Variants in NDST4 observed in about 807,000 individuals in gnomAD.
NDST4 encodes N-heparan sulfate sulfotransferase 4.
NDST4 carries 63 observed loss-of-function variants against 100.8 expected under a neutral mutation model. That is an observed-to-expected ratio of 0.62 (90% CI 0.51 to 0.77). The LOEUF is 0.77. Among genes scored for constraint, NDST4 ranks in the 30% least tolerant of loss-of-function variants. The pLI, the probability that NDST4 is intolerant of heterozygous loss-of-function variation, is 0.00. For missense variants in NDST4, 943 were observed against 1,018.4 expected (o/e 0.93, Z 1.01); for synonymous variants, 377 against 361.8 (o/e 1.04, Z -0.48).
intron 6 of NDST4, among the ~76,000 whole-genome samples, chr4:114,872,735 C>T (rs1000927645): frequency 1.3e-5 from 2 of 151,770 alleles, no homozygotes; most frequent in African/African-American, 4.8e-5. Flanking sequence ...TGTTATTGTC[C>T]CCTTTTACAG....
intron 2 of NDST4, among the ~76,000 whole-genome samples, chr4:115,022,705 A>T (rs1279500430): frequency 6.6e-6 from 1 of 152,052 alleles, no homozygotes; most frequent in Admixed American, 6.5e-5. Context: ...CCCACATATC[A>T]TGGGAGGAAC....
At chr4:115,084,806 G>C (rs1729375730) in intron 1 of NDST4, among the ~76,000 whole-genome samples, 1 of 152,162 alleles carries the variant, frequency 6.6e-6, no homozygotes, top group Non-Finnish European at 1.5e-5. Context: ...GCAAAAGTTT[G>C]ATGCAGGGGC....
intron 1 of NDST4, among the ~76,000 whole-genome samples, chr4:115,092,211 G>A (rs1729533748): frequency 6.6e-6 from 1 of 152,068 alleles, no homozygotes; most frequent in African/African-American, 2.4e-5. Flanking sequence ...GGATGTAGGT[G>A]AAGACCCCCA....
chr4:114,968,621 G>A (rs1282046058), intron 4 of NDST4, among the ~76,000 whole-genome samples: 1 of 152,178 alleles, frequency 6.6e-6, no homozygotes, highest in African/African-American at 2.4e-5. Context: ...AAAGGAATGA[G>A]TGTGGCAGTC....
At position 115,021,383 on chromosome 4, in the gene NDST4, C is replaced by CAT. The variant is rs540352056; in HGVS notation, c.979-44111_979-44110dup. 2.4e-3 allele frequency among the ~76,000 whole-genome samples: 357 copies of CAT among 150,184 alleles called. 1 individual carries two copies. Among genetic ancestry groups the CAT allele is most frequent in the African/African-American group, 8.4e-3 (340 of 40,392 alleles). ...ATATATACATTCCATATATATATTC[C>CAT]ATATATATACATTCCATATAAATAC... is the stretch of plus-strand genomic sequence containing the variant. On this transcript the variant is annotated intron_variant, in intron 2 of 13. Coordinates refer to ENST00000264363, the MANE Select transcript of NDST4 (RefSeq NM_022569.3).
chr4:114,973,990 A>G (rs1726573496), intron 3 of NDST4, among the ~76,000 whole-genome samples: 2 of 151,946 alleles, frequency 1.3e-5, no homozygotes, highest in South Asian at 4.1e-4. Flanking sequence ...ATTAGAAAAT[A>G]GTGCCATATG....
intron 6 of NDST4, among the ~76,000 whole-genome samples, chr4:114,907,880 G>T (rs535799258): frequency 2.6e-5 from 4 of 152,120 alleles, no homozygotes; most frequent in Non-Finnish European, 4.4e-5. Context: ...ATTATTGGAC[G>T]TTAAAGTCTT....
chr4:114,920,980 TC>T (rs1353222965), intron 6 of NDST4, among the ~76,000 whole-genome samples: 3 of 152,208 alleles, frequency 2.0e-5, no homozygotes, highest in African/African-American at 7.2e-5. Flanking sequence ...AGTTTTCATA[TC>T]ATTAATATAT....
chr4:114,848,134 T>C, intron 9 of NDST4, 81 bp downstream of exon 9: 1 of 1,186,758 alleles, frequency 8.4e-7, no homozygotes, highest in Non-Finnish European at 1.2e-6. Context: ...ATTATGCAGA[T>C]GCCACACATA....
chr4:115,028,894 A>G (rs758237702), intron 2 of NDST4, among the ~76,000 whole-genome samples: 1 of 152,162 alleles, frequency 6.6e-6, no homozygotes, highest in Non-Finnish European at 1.5e-5. Context: ...CGGATGATTT[A>G]CAAAAGTGAT....
At chr4:114,968,082 T>C (rs2165543) in intron 4 of NDST4, among the ~76,000 whole-genome samples, 131,173 of 152,154 alleles carry the variant, frequency 0.86, 56,975 homozygotes, top group Non-Finnish European at 0.9. Flanking sequence ...TGATCTTAAC[T>C]ACTTTTTATG....
chr4:114,875,335 G>C (rs1209167900), intron 6 of NDST4, among the ~76,000 whole-genome samples: 1 of 152,038 alleles, frequency 6.6e-6, no homozygotes, highest in Non-Finnish European at 1.5e-5. Context: ...ATACAAGCAA[G>C]CTTATGGGCA....
chr4:114,833,460 T>A (rs1723244067), intron 12 of NDST4, 146 bp downstream of exon 12: 2 of 606,042 alleles, frequency 3.3e-6, no homozygotes, highest in South Asian at 2.1e-5. Context: ...CACTACATGA[T>A]TGATGAGGAT....
At chr4:114,853,893 T>G (rs1578344661) in intron 7 of NDST4, among the ~76,000 whole-genome samples, 3 of 152,326 alleles carry the variant, frequency 2.0e-5, no homozygotes, top group Middle Eastern at 6.8e-3. Context: ...GATACAGGCA[T>G]ACAATACATA....
Position 115,076,510 on chromosome 4 carries a change from T to G in NDST4, c.527A>C (p.Gln176Pro), listed in dbSNP as rs1729186574. 1 of 1,613,862 alleles carries G rather than the reference T, an allele frequency of 6.2e-7. No homozygotes were observed. Among genetic ancestry groups the G allele is most frequent in the Admixed American group, 1.7e-5 (1 of 59,972 alleles). ...KANENSLPSTQLKGFPLNLFN... is the reference protein window; with the variant it reads ...KANENSLPSTPLKGFPLNLFN... The stretch of plus-strand genomic sequence containing the variant: ...AAGGTTTAACGGAAAGCCTTTTAAT[T>G]GTGTACTTGGTAAGCTGTTCTCATT... The change falls in exon 2 of 14, where the codon CAA (glutamine) becomes CCA (proline). Residue 176 changes from glutamine (Q) to proline (P), a missense_variant. Around this residue, in one of 2 missense-constraint regions of NDST4, gnomAD observed 417 missense variants for 384.2 expected, o/e 1.09. Coordinates refer to ENST00000264363, the MANE Select transcript of NDST4 (RefSeq NM_022569.3).
At chr4:114,927,216 T>TTGTG (rs10555403) in intron 6 of NDST4, among the ~76,000 whole-genome samples, 439 of 147,990 alleles carry the variant, frequency 3.0e-3, no homozygotes, top group Middle Eastern at 0.01. Context: ...TTAACTTGAT[T>TTGTG]TGTGTGTGTG....
chr4:114,839,179 A>G (rs1375723963), intron 11 of NDST4, among the ~76,000 whole-genome samples, 199 bp downstream of exon 11: 2 of 152,218 alleles, frequency 1.3e-5, no homozygotes, highest in African/African-American at 4.8e-5. Flanking sequence ...AAAAATGTAA[A>G]ATGCACATTT....
intron 6 of NDST4, among the ~76,000 whole-genome samples, chr4:114,875,889 C>T (rs954534656): frequency 6.6e-6 from 1 of 152,134 alleles, no homozygotes; most frequent in African/African-American, 2.4e-5. Flanking sequence ...GTATTGTAAA[C>T]TGTATGATCA....
intron 2 of NDST4, among the ~76,000 whole-genome samples, chr4:115,042,447 C>T (rs985919264): frequency 2.6e-5 from 4 of 152,026 alleles, no homozygotes; most frequent in Non-Finnish European, 2.9e-5. Flanking sequence ...TACCATCTCC[C>T]GTAATCACAA....
Sources: gnomAD v4.1 joint callset for allele counts (sites outside exome capture counted in the v4.1 genomes callset) on GRCh38, gnomAD v4.1.1 for gene constraint, gnomAD v4.1.1 regional missense constraint, MANE v1.5 for transcripts, NCBI Gene and HGNC (gene_info 2026-07-23, HGNC 2026-07-21) for gene names.